The following SEL1L variants were observed in gnomAD, a reference collection of about 807,000 sequenced individuals.
The protein encoded by SEL1L is SEL1L adaptor subunit of SYVN1 ubiquitin ligase.
Under a neutral mutation model 109.8 loss-of-function variants are expected in SEL1L, and 52 were observed. That is an observed-to-expected ratio of 0.47 (90% CI 0.38 to 0.60). SEL1L has a LOEUF of 0.60. Among genes scored for constraint, SEL1L ranks in the 20% least tolerant of loss-of-function variants. SEL1L has a pLI of 0.00. For missense variants in SEL1L, 749 were observed against 962.2 expected (o/e 0.78, Z 2.93); for synonymous variants, 373 against 339.6 (o/e 1.10, Z -1.08).
chr14:81,529,499 T>A (rs955564259), intron 1 of SEL1L, among the ~76,000 whole-genome samples: 1 of 152,190 alleles, frequency 6.6e-6, no homozygotes, highest in Non-Finnish European at 1.5e-5. Flanking sequence ...AGCTAACAGG[T>A]GAATCATATG....
rs756193182 is a variant in SEL1L at position 81,533,720 on chromosome 14, G to C, written c.25C>G (p.Leu9Val). 2.5e-6 allele frequency: 4 copies of C among 1,613,642 alleles called. No homozygotes were observed. The highest frequency in any genetic ancestry group is 3.4e-6 in the Non-Finnish European group (4 of 1,179,882). Residue 9 changes from leucine to valine, a missense_variant, in exon 1 of 21, where the codon CTG becomes GTG. Around this residue, in one of 2 missense-constraint regions of SEL1L, gnomAD observed 366 missense variants for 399.8 expected, o/e 0.92. Transcript: ENST00000336735. Reference protein sequence around the residue: MRVRIGLTLLLCAVLLSLA... With the variant: MRVRIGLTVLLCAVLLSLA... ...CTCAGCAGCACCGCACACAGCAGCA[G>C]CGTCAGCCCTATCCGGACCCGCATC... is the stretch of plus-strand genomic sequence containing the variant.
At chr14:81,510,190 T>C (rs1333821873) in intron 3 of SEL1L, among the ~76,000 whole-genome samples, 1 of 152,100 alleles carries the variant, frequency 6.6e-6, no homozygotes, top group Non-Finnish European at 1.5e-5. Flanking sequence ...TATTCAGCAA[T>C]TAGAATGTGA....
In SEL1L at chr14:81,510,514, C is replaced by CTCTCTCTCTCTCTCTATA. The variant is rs35474067; in HGVS notation, c.341-4274_341-4273insTATAGAGAGAGAGAGAGA. On this transcript the variant is annotated intron_variant, in intron 3 of 20. Coordinates refer to ENST00000336735, the MANE Select transcript of SEL1L (RefSeq NM_005065.6). ...TCTCTCTCTCTCTCTCTCTCTCTCT[C>CTCTCTCTCTCTCTCTATA]TATATATATATATATAGACAATTAA... Among the ~76,000 whole-genome samples the CTCTCTCTCTCTCTCTATA allele has an allele frequency of 6.2e-4, 65 of 104,074 alleles. 1 individual carries two copies. The highest frequency in any genetic ancestry group is 9.3e-4 in the East Asian group (3 of 3,222). The allele number at this position is 104,074 out of a possible 152,430, so 68.3% of individuals were successfully genotyped here.
At chr14:81,523,573 CA>C (rs1243722628) in intron 3 of SEL1L, among the ~76,000 whole-genome samples, 1 of 152,154 alleles carries the variant, frequency 6.6e-6, no homozygotes, top group Non-Finnish European at 1.5e-5. Context: ...TAAGTGCTAG[CA>C]AATTAATTGA....
In SEL1L at chr14:81,487,498, C is replaced by A. The variant is rs1417454228; in HGVS notation, c.1524G>T (p.Lys508Asn). ...CTCCCTGAGAAGCTAAATTAAAATA[C>A]TTCAAGGCCTGTTTATAATCTCTCT... ...GVKRDYKQAL[K>N]YFNLASQGGH... Residue 508 changes from lysine (K) to asparagine (N), a missense_variant, in exon 16 of 21, where the codon AAG becomes AAT. Lys to Asn is a moderately conservative substitution (Grantham distance 94, BLOSUM62 0). Transcript: ENST00000336735. 6.2e-7 allele frequency: 1 copy of A among 1,606,114 alleles called. No homozygotes were observed. Among genetic ancestry groups the A allele is most frequent in the African/African-American group, 1.3e-5 (1 of 74,120 alleles).
chr14:81,497,524 G>A (rs1202418608), intron 10 of SEL1L, among the ~76,000 whole-genome samples: 2 of 152,178 alleles, frequency 1.3e-5, no homozygotes, highest in Admixed American at 6.5e-5. Context: ...ATATTCCAGG[G>A]ACTTCTTGTT....
chr14:81,498,099 CAGAG>C, intron 9 of SEL1L, 53 bp from the exon 10 acceptor site: 3 of 1,546,500 alleles, frequency 1.9e-6, no homozygotes, highest in South Asian at 2.4e-5. Flanking sequence ...AGAATTGTTC[CAGAG>C]AGAGAGAAGT....
rs1426142306 is a variant in SEL1L, at chr14:81,498,396, A to G, written c.973+17T>C. On this transcript the variant is annotated intron_variant, in intron 9 of 20. Coordinates refer to ENST00000336735, the MANE Select transcript of SEL1L (RefSeq NM_005065.6). The stretch of plus-strand genomic sequence containing the variant: ...TTATTTTTTTTTCCTAAAAGGTAAA[A>G]GGGGAAACATAGATACCATGATTGG... 8 of 1,587,014 alleles carry G rather than the reference A, an allele frequency of 5.0e-6. No individual in the cohort carries two copies. Among genetic ancestry groups the G allele is most frequent in the Non-Finnish European group, 6.9e-6 (8 of 1,162,252 alleles).
intron 4 of SEL1L, 121 bp downstream of exon 4, chr14:81,505,953 G>GA: frequency 2.2e-6 from 2 of 917,718 alleles, no homozygotes; most frequent in Non-Finnish European, 3.3e-6. Flanking sequence ...AGGCTGTAAT[G>GA]ACATCAGCAA....
intron 3 of SEL1L, among the ~76,000 whole-genome samples, chr14:81,522,537 T>C (rs1011120674): frequency 2.0e-5 from 3 of 152,244 alleles, no homozygotes; most frequent in Non-Finnish European, 4.4e-5. Flanking sequence ...CTAGTAGCAA[T>C]AGGCTATAAC....
In SEL1L at chr14:81,499,454, C is replaced by T; in HGVS notation, c.891+5G>A. On this transcript the variant is annotated splice_donor_5th_base_variant and intron_variant, in intron 8 of 20. Transcript: ENST00000336735. ...ATTATTAGCCTTCCACTAAAGTCTA[C>T]TTACCAAAACCATGTGGGCTATTAG... 1 of 1,609,130 alleles carries T rather than the reference C, an allele frequency of 6.2e-7. No homozygotes were observed.
chr14:81,531,058 T>C (rs1037168186), intron 1 of SEL1L, among the ~76,000 whole-genome samples: 24 of 152,122 alleles, frequency 1.6e-4, no homozygotes, highest in African/African-American at 5.8e-4. Flanking sequence ...TGTGGGTGAG[T>C]GAGTGAGTGA....
rs140201205 is a variant in SEL1L, at chr14:81,479,442, A to T, written c.2175+170T>A. On this transcript the variant is annotated intron_variant, in intron 20 of 20. Transcript: ENST00000336735. ...ACTGCAGTAGCTGCTTTATGCCTGC[A>T]TTTATCCCTCCCCTGATAAGGTCCT... 49 of 484,530 alleles carry T rather than the reference A, an allele frequency of 1.0e-4. 1 individual carries two copies. The highest frequency in any genetic ancestry group is 8.5e-4 in the African/African-American group (43 of 50,394). 30.0% of individuals were successfully genotyped at this position (484,530 alleles called of 1,614,324 possible). A position where few individuals can be genotyped will look rare whatever the true frequency, so the allele number is the denominator to read the frequency against.
At chr14:81,511,334 C>T (rs1267725914) in intron 3 of SEL1L, among the ~76,000 whole-genome samples, 1 of 152,174 alleles carries the variant, frequency 6.6e-6, no homozygotes, top group East Asian at 1.9e-4. Context: ...CAATCACTGG[C>T]CCATGTGACC....
intron 3 of SEL1L, among the ~76,000 whole-genome samples, chr14:81,516,438 G>T (rs560712161): frequency 9.9e-5 from 15 of 152,284 alleles, no homozygotes; most frequent in African/African-American, 3.6e-4. Context: ...GAAGTCCCAG[G>T]ACCCTTATTA....
At chr14:81,525,594 G>A (rs1437416072) in intron 3 of SEL1L, among the ~76,000 whole-genome samples, 4 of 151,914 alleles carry the variant, frequency 2.6e-5, no homozygotes, top group African/African-American at 9.7e-5. Context: ...TGTATCTACT[G>A]TCTTTTAAAC....
chr14:81,507,044 T>TGGGGTGGGTAGGAGTACTCAA (rs1367182660), intron 3 of SEL1L, among the ~76,000 whole-genome samples: 1 of 151,842 alleles, frequency 6.6e-6, no homozygotes, highest in Admixed American at 6.6e-5. Context: ...GGCTCATGGG[T>TGGGGTGGGTAGGAGTACTCAA]GGGGTGGGTA....
In SEL1L at chr14:81,474,327, C is replaced by T. The variant is rs960472540; in HGVS notation, c.*2645G>A. ...GAATAGTTTCAAGACAGTCGGCTAA[C>T]CAACAAACCAAATGCACAAGAGAAT... On this transcript the variant is annotated 3_prime_UTR_variant, in exon 21 of 21. Coordinates refer to ENST00000336735, the MANE Select transcript of SEL1L (RefSeq NM_005065.6). 2.0e-5 allele frequency: 3 copies of T among 150,880 alleles called. No individual in the cohort carries two copies. The highest frequency in any genetic ancestry group is 2.9e-5 in the Non-Finnish European group (2 of 67,820). The allele number at this position is 150,880 out of a possible 1,614,324, so 9.3% of individuals were successfully genotyped here.
chr14:81,486,359 G>C lies in SEL1L; in HGVS notation c.1728C>G (p.Ile576Met). 2 of 1,614,148 alleles carry C rather than the reference G, an allele frequency of 1.2e-6. No individual in the cohort carries two copies. The highest frequency in any genetic ancestry group is 8.5e-7 in the Non-Finnish European group (1 of 1,180,016). The change falls in exon 17 of 21, where the codon ATC (isoleucine) becomes ATG (methionine). Residue 576 changes from isoleucine to methionine, a missense_variant. Transcript: ENST00000336735. ...YKDGDYNAAV[I>M]QYLLLAEQGY... ...CCTGTTCAGCCAGGAGGAGGTACTG[G>C]ATCACTGCAGCATTGTAATCGCCAT... is the stretch of plus-strand genomic sequence containing the variant.
Sources: gnomAD v4.1 joint callset for allele counts (sites outside exome capture counted in the v4.1 genomes callset) on GRCh38, gnomAD v4.1.1 for gene constraint, gnomAD v4.1.1 regional missense constraint, MANE v1.5 for transcripts, NCBI Gene and HGNC (gene_info 2026-07-23, HGNC 2026-07-21) for gene names.